Variants in MADCAM1 observed in about 807,000 individuals in gnomAD.
MADCAM1 encodes the protein mucosal vascular addressin cell adhesion molecule 1, also known as mucosal addressin cell adhesion molecule 1.
A neutral mutation model predicts 26.1 loss-of-function variants in MADCAM1; 19 were observed. That is an observed-to-expected ratio of 0.73 (90% CI 0.51 to 1.07). The LOEUF (loss-of-function observed/expected upper bound fraction) is 1.07. MADCAM1 is among the 50% of genes least tolerant of loss of function. The pLI, the probability that MADCAM1 is intolerant of heterozygous loss-of-function variation, is 0.00. For missense variants in MADCAM1, 514 were observed against 542.1 expected (o/e 0.95, Z 0.51); for synonymous variants, 268 against 260.9 (o/e 1.03, Z -0.26).
intron 4 of MADCAM1, 48 bp from the exon 5 acceptor site, chr19:504,697 C>T: frequency 7.2e-7 from 1 of 1,382,008 alleles, no homozygotes; most frequent in Admixed American, 1.9e-5. Flanking sequence ...CCCAAGCCTG[C>T]AGAGGCCTGG....
intron 3 of MADCAM1, chr19:499,837 C>T: frequency 2.2e-6 from 1 of 456,428 alleles, no homozygotes; most frequent in Non-Finnish European, 4.4e-6. Context: ...TGTCCAATCC[C>T]GAAGCCCCTG....
chr19:503,583 A>AAAC (rs1289821252), intron 4 of MADCAM1, among the ~76,000 whole-genome samples: 1 of 151,488 alleles, frequency 6.6e-6, no homozygotes, highest in African/African-American at 2.4e-5. Flanking sequence ...CGTCTCAAAA[A>AAAC]AAAAAAAAAA....
Position 501,905 on chromosome 19 carries a change from C to G in MADCAM1, c.904C>G (p.Gln302Glu). The G allele has an allele frequency of 6.5e-7, 1 of 1,541,610 alleles. No homozygotes were observed. The highest frequency in any genetic ancestry group is 2.4e-5 in the East Asian group (1 of 42,142). The part of the protein sequence containing the change: ...RPEISQAGPT[Q>E]GEVIPTGSSK... Reference sequence around the variant, plus strand: ...TGAGATCTCCCAGGCTGGGCCCACGCAGGGAGAAGTGATCCCAACAGGCTG... The same window carrying G: ...TGAGATCTCCCAGGCTGGGCCCACGGAGGGAGAAGTGATCCCAACAGGCTG... The change falls in exon 4 of 5, where the codon CAG becomes GAG. Residue 302 changes from glutamine (Q) to glutamate (E), a missense_variant. By Grantham distance (29) the Gln-to-Glu change is conservative (BLOSUM62 2). Transcript: ENST00000215637.
In MADCAM1 at chr19:498,570, A is replaced by G; in HGVS notation, c.412A>G (p.Lys138Glu). ...GDPEVACTAH[K>E]VTPVDPNALS... is the part of the protein sequence containing the mutation. ...CCCGGAGGTGGCCTGTACGGCCCACAAAGTCACGCCCGTGGACCCCAACGC... is the reference window on the plus strand; with the variant it reads ...CCCGGAGGTGGCCTGTACGGCCCACGAAGTCACGCCCGTGGACCCCAACGC... The change falls in exon 3 of 5, where the codon AAA (lysine) becomes GAA (glutamate). Residue 138 changes from lysine (K) to glutamate (E), a missense_variant. Lys to Glu is a moderately conservative substitution (Grantham distance 56). Around this residue, in one of 3 missense-constraint regions of MADCAM1, gnomAD observed 317 missense variants for 313.6 expected, o/e 1.01. Transcript: ENST00000215637. 1 of 1,481,406 alleles carries G rather than the reference A, an allele frequency of 6.8e-7. No homozygotes were observed. Among genetic ancestry groups the G allele is most frequent in the South Asian group, 1.4e-5 (1 of 69,914 alleles). 91.8% of individuals were successfully genotyped at this position (1,481,406 alleles called of 1,614,324 possible).
chr19:498,896 G>C lies in MADCAM1; in HGVS notation c.667+71G>C, dbSNP rs1419095504. 4.7e-5 allele frequency: 30 copies of C among 638,176 alleles called. 1 individual carries two copies. The highest frequency in any genetic ancestry group is 7.1e-5 in the Non-Finnish European group (29 of 407,860). The allele number at this position is 638,176 out of a possible 1,614,324, so 39.5% of individuals were successfully genotyped here. A position where few individuals can be genotyped will look rare whatever the true frequency, so the allele number is the denominator to read the frequency against. On this transcript the variant is annotated intron_variant, in intron 3 of 4. Coordinates refer to ENST00000215637, the MANE Select transcript of MADCAM1 (RefSeq NM_130760.3). The stretch of plus-strand genomic sequence containing the variant: ...GACAAGCACTTCGGGACGGGGTGGG[G>C]GGGTGGGGGGGCAGCACCTGTGCTG...
intron 3 of MADCAM1, 88 bp downstream of exon 3, chr19:498,913 C>T: frequency 7.6e-7 from 1 of 1,319,514 alleles, no homozygotes; most frequent in Non-Finnish European, 1.0e-6. Context: ...GGGGGCAGCA[C>T]CTGTGCTGTG....
At chr19:504,289 A>G (rs1978505650) in intron 4 of MADCAM1, among the ~76,000 whole-genome samples, 1 of 113,564 alleles carries the variant, frequency 8.8e-6, no homozygotes, top group Non-Finnish European at 1.7e-5. Context: ...TGAGAGACAG[A>G]GTCTCATTCT....
chr19:498,454 C>T, intron 2 of MADCAM1, 42 bp from the exon 3 acceptor site: 1 of 1,435,754 alleles, frequency 7.0e-7, no homozygotes, highest in Non-Finnish European at 9.1e-7. Context: ...ACGTCCAGCC[C>T]TGACTCTGGG....
Position 498,052 on chromosome 19 carries a change from CCCGCGTGTGCGTGGGCTCCTGCGGGGG to C in MADCAM1, c.277_303del (p.Val93_Arg101del). The C allele has an allele frequency of 1.4e-6, 2 of 1,480,312 alleles. No individual in the cohort carries two copies. Among genetic ancestry groups the C allele is most frequent in the Non-Finnish European group, 1.8e-6 (2 of 1,121,354 alleles). 91.7% of individuals were successfully genotyped at this position (1,480,312 alleles called of 1,614,324 possible). On this transcript the variant is annotated inframe_deletion, in exon 2 of 5. Coordinates refer to ENST00000215637, the MANE Select transcript of MADCAM1 (RefSeq NM_130760.3). ...AACGCCTCGCTGTCGGCGGCCGGGA[CCCGCGTGTGCGTGGGCTCCTGCGGGGG>C]CCGCACCTTCCAGCACACCGTGCAG...
At position 496,512 on chromosome 19, in the gene MADCAM1, C is replaced by A. The variant is rs751309255; in HGVS notation, c.13C>A (p.Leu5Met). 6.9e-6 allele frequency: 9 copies of A among 1,309,056 alleles called. No individual in the cohort carries two copies. In the African/African-American group the frequency reaches 9.2e-5, roughly 13 times the overall value. 81.1% of individuals were successfully genotyped at this position (1,309,056 alleles called of 1,614,324 possible). A position where few individuals can be genotyped will look rare whatever the true frequency, so the allele number is the denominator to read the frequency against. Residue 5 changes from leucine (L) to methionine (M), a missense_variant, in exon 1 of 5, where the codon CTG becomes ATG. By Grantham distance (15) the Leu-to-Met change is conservative (BLOSUM62 2). Around this residue, in one of 3 missense-constraint regions of MADCAM1, gnomAD observed 317 missense variants for 313.6 expected, o/e 1.01. Coordinates refer to ENST00000215637, the MANE Select transcript of MADCAM1 (RefSeq NM_130760.3). ...GAGGGGACTGAGCATGGATTTCGGA[C>A]TGGCCCTCCTGCTGGCGGGGCTTCT... The part of the protein sequence containing the change: MDFG[L>M]ALLLAGLLGL...
chr19:502,554 G>A (rs4919835), intron 4 of MADCAM1, among the ~76,000 whole-genome samples: 76,278 of 151,786 alleles, frequency 0.5, 19,359 homozygotes, highest in South Asian at 0.61. Flanking sequence ...TGCCCGCCTC[G>A]GCCTCCCAAA....
intron 2 of MADCAM1, 48 bp from the exon 3 acceptor site, chr19:498,448 C>A: frequency 7.0e-7 from 1 of 1,429,278 alleles, no homozygotes; most frequent in Non-Finnish European, 9.1e-7. Flanking sequence ...TCCATCACGT[C>A]CAGCCCTGAC....
intron 2 of MADCAM1, 151 bp from the exon 3 acceptor site, chr19:498,345 G>A: frequency 1.1e-6 from 1 of 930,932 alleles, no homozygotes; most frequent in East Asian, 3.3e-5. Context: ...GTGGGGCCAC[G>A]GGGCCTGCGC....
intron 3 of MADCAM1, 125 bp from the exon 4 acceptor site, chr19:501,544 A>T: frequency 1.9e-6 from 1 of 538,242 alleles, no homozygotes; most frequent in Non-Finnish European, 3.1e-6. Context: ...GACTCACCAG[A>T]GTGGTCCAGG....
At chr19:498,422 T>C in intron 2 of MADCAM1, 74 bp from the exon 3 acceptor site, 1 of 1,386,922 alleles carries the variant, frequency 7.2e-7, no homozygotes, top group Non-Finnish European at 9.3e-7. Flanking sequence ...TCCAAGCCCC[T>C]CCGGGCTCCG....
chr19:501,084 G>A (rs1044590791), intron 3 of MADCAM1, among the ~76,000 whole-genome samples: 1 of 152,012 alleles, frequency 6.6e-6, no homozygotes, highest in African/African-American at 2.4e-5. Context: ...AGCTACTCAG[G>A]AGGCTGAGTG....
At chr19:498,292 G>A (rs1325493165) in intron 2 of MADCAM1, among the ~76,000 whole-genome samples, 175 bp downstream of exon 2, 4 of 152,046 alleles carry the variant, frequency 2.6e-5, no homozygotes, top group Non-Finnish European at 5.9e-5. Context: ...ACTCTCCCAG[G>A]GCCGGCCCTG....
chr19:505,048 T>C lies in MADCAM1; in HGVS notation c.*83T>C. On this transcript the variant is annotated 3_prime_UTR_variant, in exon 5 of 5. Coordinates refer to ENST00000215637, the MANE Select transcript of MADCAM1 (RefSeq NM_130760.3). Reference sequence around the variant, plus strand: ...CTGGTCAGGGCAAACCTGCCTCCCATTCTACTCAAAGTCATCCCTCTGTTC... The same window carrying C: ...CTGGTCAGGGCAAACCTGCCTCCCACTCTACTCAAAGTCATCCCTCTGTTC... The C allele has an allele frequency of 1.0e-6, 1 of 1,003,584 alleles. No individual in the cohort carries two copies. 62.2% of individuals were successfully genotyped at this position (1,003,584 alleles called of 1,614,324 possible).
Position 504,255 on chromosome 19 carries a change from C to CATTTTTTTT in MADCAM1, c.929-490_929-489insATTTTTTTT, listed in dbSNP as rs1270034691. Among the ~76,000 whole-genome samples, 4 of 88,150 alleles carry CATTTTTTTT rather than the reference C, an allele frequency of 4.5e-5. 1 individual carries two copies. Among genetic ancestry groups the CATTTTTTTT allele is most frequent in the African/African-American group, 4.2e-5 (1 of 23,794 alleles). 57.8% of individuals were successfully genotyped at this position (88,150 alleles called of 152,430 possible). A position where few individuals can be genotyped will look rare whatever the true frequency, so the allele number is the denominator to read the frequency against. ...TGAGCCGTCCTCTCTCCGGTCTGCC[C>CATTTTTTTT]TTTTTTTTTTTTTTTTTTTTTTTTG... On this transcript the variant is annotated intron_variant, in intron 4 of 4. Coordinates refer to ENST00000215637, the MANE Select transcript of MADCAM1 (RefSeq NM_130760.3).
Sources: allele counts gnomAD v4.1 joint callset (sites outside exome capture counted in the v4.1 genomes callset), GRCh38; gene constraint gnomAD v4.1.1; regional missense constraint gnomAD v4.1.1; transcripts MANE v1.5; gene names NCBI Gene and HGNC (gene_info 2026-07-23, HGNC 2026-07-21).